The following HEPACAM2 variants were observed in gnomAD, a reference collection of about 807,000 sequenced individuals.
The protein encoded by HEPACAM2 is HEPACAM family member 2, also known as mitotic kinetics regulator.
A neutral mutation model predicts 49.6 loss-of-function variants in HEPACAM2; 49 were observed. The ratio of observed to expected loss-of-function variants is 0.99; its 90% CI spans 0.78 to 1.25. The LOEUF is 1.25. Among genes scored for constraint, HEPACAM2 ranks in the 50% most tolerant of loss-of-function variants. The pLI, the probability that HEPACAM2 is intolerant of heterozygous loss-of-function variation, is 0.00. For synonymous variants in HEPACAM2, 197 were observed against 202.9 expected (o/e 0.97, Z 0.25); for missense variants, 525 against 557.2 (o/e 0.94, Z 0.58).
intron 8 of HEPACAM2, among the ~76,000 whole-genome samples, chr7:93,193,008 TTA>T (rs1205476662): frequency 6.6e-6 from 1 of 152,132 alleles, no homozygotes; most frequent in East Asian, 1.9e-4. Context: ...TTCCCATTCC[TTA>T]TATTTCATAA....
chr7:93,205,698 T>G (rs531304458), intron 4 of HEPACAM2: 2 of 152,270 alleles, frequency 1.3e-5, no homozygotes, highest in East Asian at 3.9e-4. Flanking sequence ...TGATGTATAC[T>G]TAATCTGTCC....
At chr7:93,223,057 T>G (rs940908430) in intron 1 of HEPACAM2, among the ~76,000 whole-genome samples, 3 of 152,210 alleles carry the variant, frequency 2.0e-5, no homozygotes, top group African/African-American at 4.8e-5. Context: ...AGCAGCTTTG[T>G]CATGGATGTG....
At chr7:93,215,787 GCATTTTACA>G in intron 2 of HEPACAM2, 102 bp from the exon 3 acceptor site, 1 of 1,144,308 alleles carries the variant, frequency 8.7e-7, no homozygotes, top group South Asian at 1.6e-5. Context: ...AATTATTCCA[GCATTTTACA>G]CTGTAAATGT....
chr7:93,190,709 A>G (rs1195943800), intron 9 of HEPACAM2, among the ~76,000 whole-genome samples: 1 of 151,988 alleles, frequency 6.6e-6, no homozygotes, highest in Non-Finnish European at 1.5e-5. Flanking sequence ...ATAAACTTTT[A>G]TATTCTTAAG....
chr7:93,217,014 C>T (rs577191133), intron 2 of HEPACAM2, among the ~76,000 whole-genome samples: 7 of 152,116 alleles, frequency 4.6e-5, no homozygotes, highest in African/African-American at 1.4e-4. Context: ...ATGGGGGAGT[C>T]GAGTAATTCT....
chr7:93,223,277 T>C (rs566566739), intron 1 of HEPACAM2, among the ~76,000 whole-genome samples: 44 of 152,332 alleles, frequency 2.9e-4, no homozygotes, highest in Non-Finnish European at 5.3e-4. Context: ...GGAGGCACTA[T>C]ATTACTATGG....
chr7:93,214,031 TC>T (rs1794242818), intron 3 of HEPACAM2, among the ~76,000 whole-genome samples: 1 of 152,056 alleles, frequency 6.6e-6, no homozygotes, highest in Admixed American at 6.6e-5. Flanking sequence ...TTTTTGTTAC[TC>T]AAAAGCAACA....
intron 1 of HEPACAM2, among the ~76,000 whole-genome samples, chr7:93,223,796 G>T (rs1454886466): frequency 6.6e-6 from 1 of 152,128 alleles, no homozygotes; most frequent in African/African-American, 2.4e-5. Flanking sequence ...TCTTTATACA[G>T]TATCTTATCT....
At chr7:93,215,773 G>A (rs1185846645) in intron 2 of HEPACAM2, 88 bp from the exon 3 acceptor site, 1 of 1,282,006 alleles carries the variant, frequency 7.8e-7, no homozygotes, top group East Asian at 2.4e-5. Flanking sequence ...TGAACTCCTG[G>A]AGAAATTATT....
intron 1 of HEPACAM2, among the ~76,000 whole-genome samples, chr7:93,225,126 G>A (rs1399302614): frequency 6.6e-6 from 1 of 151,908 alleles, no homozygotes; most frequent in African/African-American, 2.4e-5. Flanking sequence ...TCTTCTTAAC[G>A]CCAGTTTCAA....
intron 1 of HEPACAM2, chr7:93,225,977 C>T (rs780199680): frequency 1.5e-5 from 17 of 1,149,782 alleles, no homozygotes; most frequent in African/African-American, 9.5e-5. Flanking sequence ...AAACAATTTT[C>T]GTAAATTATT....
chr7:93,208,580 C>A lies in HEPACAM2; in HGVS notation c.1012G>T (p.Gly338Ter). The A allele has an allele frequency of 6.2e-7, 1 of 1,611,116 alleles. No homozygotes were observed. The highest frequency in any genetic ancestry group is 8.5e-7 in the Non-Finnish European group (1 of 1,178,240). ...TCCCTTCCTTGTATGTCACACATAC[C>A]TACGGAAGTGATGATAACTGTGAAA... ...THFTVIITSV[G>*]LEKLAQKGKS... is the part of the protein sequence containing the mutation. The change falls in exon 4 of 10, where the codon GGA (glycine) becomes TGA (stop). Residue 338 changes from glycine (G) to a stop codon, truncating the protein, a stop_gained and splice_region_variant. Coordinates refer to ENST00000394468, the MANE Select transcript of HEPACAM2 (RefSeq NM_001039372.4). LOFTEE classifies it high-confidence loss of function.
At position 93,215,418 on chromosome 7, in the gene HEPACAM2, A is replaced by G; in HGVS notation, c.698T>C (p.Ile233Thr). The change falls in exon 3 of 10, where the codon ATT becomes ACT. Residue 233 changes from isoleucine to threonine, a missense_variant. Transcript: ENST00000394468. ...AAACTTACAATATATGATGGGCATA[A>G]TGATATCACTTTCCATTTCACTGAC... is the stretch of plus-strand genomic sequence containing the variant. ...NPVSEMESDI[I>T]MPIIYYGPYG... The G allele has an allele frequency of 6.2e-7, 1 of 1,613,626 alleles. No individual in the cohort carries two copies. Among genetic ancestry groups the G allele is most frequent in the Non-Finnish European group, 8.5e-7 (1 of 1,179,696 alleles).
intron 9 of HEPACAM2, among the ~76,000 whole-genome samples, chr7:93,191,936 G>A (rs1256786966): frequency 1.3e-5 from 2 of 152,064 alleles, no homozygotes; most frequent in Non-Finnish European, 2.9e-5. Flanking sequence ...TACAGAATTA[G>A]CCTGAACATT....
chr7:93,212,051 C>T (rs1023471654), intron 3 of HEPACAM2, among the ~76,000 whole-genome samples: 2 of 151,920 alleles, frequency 1.3e-5, no homozygotes, highest in South Asian at 2.1e-4. Flanking sequence ...TGCCTTAGGA[C>T]CCTGCAGCAT....
At chr7:93,232,175 C>T in the HEPACAM2 span, among the ~76,000 whole-genome samples, 1 of 152,144 alleles carries the variant, frequency 6.6e-6, no homozygotes, top group African/African-American at 2.4e-5. Flanking sequence ...TTTGTAAGAC[C>T]GGCGATCGCA....
At chr7:93,231,854 C>T in the HEPACAM2 span, among the ~76,000 whole-genome samples, 1 of 152,104 alleles carries the variant, frequency 6.6e-6, no homozygotes, top group Non-Finnish European at 1.5e-5. Context: ...CCTGGAGGGC[C>T]GCCTATTGGG....
In HEPACAM2 at chr7:93,188,605, A is replaced by C. The variant is rs1197100709; in HGVS notation, c.*662T>G. ...ACCACATAAAAGCAAAAACAGAATA[A>C]TTTATTTGAATCCATCTTTCCTTGA... On this transcript the variant is annotated 3_prime_UTR_variant, in exon 10 of 10. Transcript: ENST00000394468. 1 of 156,586 alleles carries C rather than the reference A, an allele frequency of 6.4e-6. No individual in the cohort carries two copies. The highest frequency in any genetic ancestry group is 1.4e-5 in the Non-Finnish European group (1 of 71,248). 9.7% of individuals were successfully genotyped at this position (156,586 alleles called of 1,614,324 possible).
At chr7:93,202,626 A>G (rs1003413378) in intron 4 of HEPACAM2, among the ~76,000 whole-genome samples, 5 of 152,186 alleles carry the variant, frequency 3.3e-5, no homozygotes, top group African/African-American at 1.2e-4. Flanking sequence ...AAAAGAATTC[A>G]ATGCTAATTT....
Sources: allele counts gnomAD v4.1 joint callset (sites outside exome capture counted in the v4.1 genomes callset), GRCh38; gene constraint gnomAD v4.1.1; transcripts MANE v1.5; gene names NCBI Gene and HGNC (gene_info 2026-07-23, HGNC 2026-07-21).